The following ATP2A2 variants were observed in gnomAD, a reference collection of about 807,000 sequenced individuals.
The protein encoded by ATP2A2 is sarcoplasmic/endoplasmic reticulum calcium ATPase 2.
In ATP2A2, 14 loss-of-function variants were observed where a neutral mutation model predicts 109.3. That is an observed-to-expected ratio of 0.13 (90% CI 0.08 to 0.20). ATP2A2 has a LOEUF of 0.20. Ranked by LOEUF, ATP2A2 falls within the 10% of genes least tolerant of loss-of-function variation. ATP2A2 has a pLI of 1.00. For synonymous variants in ATP2A2, 506 were observed against 490.9 expected, an observed-to-expected ratio of 1.03 and a Z score of -0.41; for missense variants, 657 against 1,321.6, an observed-to-expected ratio of 0.50 and a Z score of 7.80.
rs3026495 is a variant in ATP2A2 at position 110,350,028 on chromosome 12, C to G, written c.*3558C>G. On this transcript the variant is annotated 3_prime_UTR_variant, in exon 20 of 20. Coordinates refer to ENST00000539276, the MANE Select transcript of ATP2A2 (RefSeq NM_170665.4). ...ACAGCTGCAACGATTGTGTCTGCCT[C>G]ATGGGGTTTTCCTCCAGAGCCTTTA... 61 of 1,392,218 alleles carry G rather than the reference C, an allele frequency of 4.4e-5. 1 individual carries two copies. The East Asian group carries it at 1.5e-3, about 35-fold the overall frequency. 86.2% of individuals were successfully genotyped at this position (1,392,218 alleles called of 1,614,324 possible). A position where few individuals can be genotyped will look rare whatever the true frequency, so the allele number is the denominator to read the frequency against.
Position 110,346,620 on chromosome 12 carries a change from C to A in ATP2A2, c.*150C>A. The A allele has an allele frequency of 6.7e-7, 1 of 1,490,562 alleles. No individual in the cohort carries two copies. The allele number at this position is 1,490,562 out of a possible 1,614,324, so 92.3% of individuals were successfully genotyped here. The stretch of plus-strand genomic sequence containing the variant: ...CTAGATTTTGTTTTGCTTTTTCTGA[C>A]TCCAGTGGGGCAAGATTTTCCTTTT... On this transcript the variant is annotated 3_prime_UTR_variant, in exon 20 of 20. Coordinates refer to ENST00000539276, the MANE Select transcript of ATP2A2 (RefSeq NM_170665.4).
chr12:110,290,486 T>C (rs761566938), intron 3 of ATP2A2, among the ~76,000 whole-genome samples: 1 of 152,230 alleles, frequency 6.6e-6, no homozygotes, highest in Non-Finnish European at 1.5e-5. Flanking sequence ...AATCAAGAAT[T>C]GAAGTTTTAT....
At chr12:110,337,817 C>T (rs1878982049) in intron 11 of ATP2A2, among the ~76,000 whole-genome samples, 1 of 152,212 alleles carries the variant, frequency 6.6e-6, no homozygotes, top group South Asian at 2.1e-4. Context: ...GTCTTTAACG[C>T]TGACAGTGTG....
chr12:110,293,222 C>A (rs192057043), intron 4 of ATP2A2, among the ~76,000 whole-genome samples: 1 of 152,000 alleles, frequency 6.6e-6, no homozygotes, highest in Non-Finnish European at 1.5e-5. Context: ...ATTACAGGCA[C>A]CTGACACCAC....
chr12:110,281,651 G>A lies in ATP2A2; in HGVS notation c.-139G>A, dbSNP rs1401230473. The A allele has an allele frequency of 8.4e-6, 4 of 474,488 alleles. No homozygotes were observed. The East Asian group carries it at 1.2e-4, about 14-fold the overall frequency. 29.4% of individuals were successfully genotyped at this position (474,488 alleles called of 1,614,324 possible). A position where few individuals can be genotyped will look rare whatever the true frequency, so the allele number is the denominator to read the frequency against. ...GGGGTGATTCAGCGCCCGGCGAGGC[G>A]GAAGCGGCCGCAAGAGGAGGAGGGG... is the stretch of plus-strand genomic sequence containing the variant. On this transcript the variant is annotated 5_prime_UTR_variant, in exon 1 of 20. Coordinates refer to ENST00000539276, the MANE Select transcript of ATP2A2 (RefSeq NM_170665.4).
chr12:110,340,525 C>T lies in ATP2A2; in HGVS notation c.1762-134C>T, dbSNP rs903754323. ...GGCACTCCAGCCTGGGCAACAAGAG[C>T]GAAACTCCGCCTCAAAAAAAAAAAA... On this transcript the variant is annotated intron_variant, in intron 13 of 19. Transcript: ENST00000539276. The surrounding 1 kb of genome is among the most constrained non-coding windows in gnomAD (Gnocchi z 6.0). 3.7e-5 allele frequency: 38 copies of T among 1,025,208 alleles called. No individual in the cohort carries two copies. The highest frequency in any genetic ancestry group is 2.7e-4 in the Admixed American group (11 of 40,296). 63.5% of individuals were successfully genotyped at this position (1,025,208 alleles called of 1,614,324 possible). A position where few individuals can be genotyped will look rare whatever the true frequency, so the allele number is the denominator to read the frequency against.
In ATP2A2 at chr12:110,350,546, G is replaced by C. The variant is rs1187708932; in HGVS notation, c.*4076G>C. On this transcript the variant is annotated 3_prime_UTR_variant, in exon 20 of 20. Coordinates refer to ENST00000539276, the MANE Select transcript of ATP2A2 (RefSeq NM_170665.4). ...AGCTTAATCAGAAAGCCTCTCCAGA[G>C]AAGTTTGGTTTCTTTGCTGCAAGAG... 3.1e-6 allele frequency: 2 copies of C among 641,662 alleles called. No individual in the cohort carries two copies. The highest frequency in any genetic ancestry group is 6.2e-5 in the Admixed American group (2 of 32,498). The allele number at this position is 641,662 out of a possible 1,614,324, so 39.7% of individuals were successfully genotyped here.
Position 110,290,465 on chromosome 12 carries a change from C to T in ATP2A2, c.220-1555C>T, listed in dbSNP as rs563008886. ...AATGAACATGACTGTTAGATGATCA[C>T]CTTTTACTTTAATCAAGAATTGAAG... is the stretch of plus-strand genomic sequence containing the variant. On this transcript the variant is annotated intron_variant, in intron 3 of 19. Coordinates refer to ENST00000539276, the MANE Select transcript of ATP2A2 (RefSeq NM_170665.4). Among the ~76,000 whole-genome samples, 134 of 152,204 alleles carry T rather than the reference C, an allele frequency of 8.8e-4. 2 individuals are homozygous for T. The highest frequency in any genetic ancestry group is 3.1e-3 in the African/African-American group (129 of 41,524).
chr12:110,348,460 A>G lies in ATP2A2; in HGVS notation c.*1990A>G. 1.0e-6 allele frequency: 1 copy of G among 985,544 alleles called. No individual in the cohort carries two copies. 61.0% of individuals were successfully genotyped at this position (985,544 alleles called of 1,614,324 possible). On this transcript the variant is annotated 3_prime_UTR_variant, in exon 20 of 20. Coordinates refer to ENST00000539276, the MANE Select transcript of ATP2A2 (RefSeq NM_170665.4). Reference sequence around the variant, plus strand: ...CTGGGATGGCCAGTAGATGTAATGCAGATGGTTGGAGTTTGGGGAGGGTTA... The same window carrying G: ...CTGGGATGGCCAGTAGATGTAATGCGGATGGTTGGAGTTTGGGGAGGGTTA...
intron 11 of ATP2A2, among the ~76,000 whole-genome samples, chr12:110,337,325 C>T (rs1878927336): frequency 6.6e-6 from 1 of 152,170 alleles, no homozygotes; most frequent in Non-Finnish European, 1.5e-5. Flanking sequence ...GGTTCTTGGC[C>T]AGCCTAGTAC....
chr12:110,282,833 G>T (rs751649711), intron 3 of ATP2A2, 38 bp downstream of exon 3: 3 of 1,519,296 alleles, frequency 2.0e-6, no homozygotes, highest in Non-Finnish European at 2.7e-6. Context: ...CCCCCCAAAA[G>T]CTGAAAGTAT....
rs1323692846 is a variant in ATP2A2 at position 110,342,655 on chromosome 12, A to G, written c.2318+207A>G. The stretch of plus-strand genomic sequence containing the variant: ...TTGTCTGCAGCTGCCCCAATGTGCA[A>G]AGAATCCTCTTTAACGTGAGACTGA... On this transcript the variant is annotated intron_variant, in intron 15 of 19. Transcript: ENST00000539276. The surrounding 1 kb of genome is among the most constrained non-coding windows in gnomAD (Gnocchi z 4.6). Among the ~76,000 whole-genome samples, 1 of 152,146 alleles carries G rather than the reference A, an allele frequency of 6.6e-6. No individual in the cohort carries two copies. Among genetic ancestry groups the G allele is most frequent in the Non-Finnish European group, 1.5e-5 (1 of 68,016 alleles).
rs146019721 is a variant in ATP2A2, at chr12:110,335,529, G to A, written c.1419+1386G>A. ...GACCCCATCTCAAAAAAAAATTAAG[G>A]CCTGAAGTGGCTAAACTTGAAGGAT... On this transcript the variant is annotated intron_variant, in intron 11 of 19. Transcript: ENST00000539276. Among the ~76,000 whole-genome samples the A allele has an allele frequency of 2.0e-5, 3 of 152,328 alleles. No homozygotes were observed. In the East Asian group the frequency reaches 5.8e-4, roughly 29 times the overall value.
chr12:110,295,622 A>G (rs1309053097), intron 4 of ATP2A2, among the ~76,000 whole-genome samples: 1 of 152,156 alleles, frequency 6.6e-6, no homozygotes, highest in Non-Finnish European at 1.5e-5. Flanking sequence ...AGGTTTTTTT[A>G]TACTTTTTCT....
At chr12:110,314,866 CTT>C (rs372770725) in intron 5 of ATP2A2, among the ~76,000 whole-genome samples, 17 of 139,038 alleles carry the variant, frequency 1.2e-4, no homozygotes, top group African/African-American at 1.6e-4. Context: ...AGAAGATACA[CTT>C]TTTTTTTTTT....
intron 5 of ATP2A2, among the ~76,000 whole-genome samples, chr12:110,311,056 A>G (rs938964499): frequency 6.6e-6 from 1 of 152,230 alleles, no homozygotes; most frequent in African/African-American, 2.4e-5. Flanking sequence ...TGCTCTAAAA[A>G]GTGTGATTTA....
In ATP2A2 at chr12:110,347,959, G is replaced by A. The variant is rs1880038493; in HGVS notation, c.*1489G>A. ...GCCTGTGGCGCCTGCCATGTGACTC[G>A]GGCGCAGCATCAGCTGGCTGGAGGT... On this transcript the variant is annotated 3_prime_UTR_variant, in exon 20 of 20. Transcript: ENST00000539276. 25 of 987,396 alleles carry A rather than the reference G, an allele frequency of 2.5e-5. No individual in the cohort carries two copies. Among genetic ancestry groups the A allele is most frequent in the Non-Finnish European group, 2.9e-5 (24 of 831,396 alleles). The allele number at this position is 987,396 out of a possible 1,614,324, so 61.2% of individuals were successfully genotyped here. A position where few individuals can be genotyped will look rare whatever the true frequency, so the allele number is the denominator to read the frequency against.
intron 11 of ATP2A2, among the ~76,000 whole-genome samples, chr12:110,335,152 C>G (rs573111346): frequency 6.6e-6 from 1 of 152,188 alleles, no homozygotes; most frequent in African/African-American, 2.4e-5. Flanking sequence ...TGAGGTTCCT[C>G]TCAAAGAGCT....
chr12:110,301,041 T>TA (rs1480288257), intron 5 of ATP2A2, among the ~76,000 whole-genome samples: 1 of 151,990 alleles, frequency 6.6e-6, no homozygotes. Flanking sequence ...TTAATTTTTT[T>TA]AAAAAAATAG....
Sources: gnomAD v4.1 joint callset for allele counts (sites outside exome capture counted in the v4.1 genomes callset) on GRCh38, gnomAD v4.1.1 for gene constraint, Gnocchi (gnomAD v3.1) non-coding constraint, MANE v1.5 for transcripts, NCBI Gene and HGNC (gene_info 2026-07-23, HGNC 2026-07-21) for gene names.